The following IL17D variants were observed in gnomAD, a reference collection of about 807,000 sequenced individuals.
The protein encoded by IL17D is interleukin-17D.
In IL17D, 10 loss-of-function variants were observed where a neutral mutation model predicts 5.7. The observed-to-expected ratio is 1.75, with a 90% CI of 1.08 to 2.97. The LOEUF is 2.97. Among genes scored for constraint, IL17D ranks in the 30% most tolerant of loss-of-function variants. The pLI is 0.00. For missense variants in IL17D, 354 were observed against 292.7 expected, an observed-to-expected ratio of 1.21 and a Z score of -1.53; for synonymous variants, 172 against 141.7, an observed-to-expected ratio of 1.21 and a Z score of -1.52.
At chr13:20,707,021 G>A (rs1318234919) in intron 1 of IL17D, among the ~76,000 whole-genome samples, 1 of 152,118 alleles carries the variant, frequency 6.6e-6, no homozygotes, top group Non-Finnish European at 1.5e-5. Flanking sequence ...GCTGAAGGAA[G>A]GACAGTCTTC....
intron 1 of IL17D, among the ~76,000 whole-genome samples, chr13:20,712,207 A>T (rs753496669): frequency 2.0e-5 from 3 of 152,236 alleles, no homozygotes; most frequent in African/African-American, 7.2e-5. Flanking sequence ...AATCTTTTTT[A>T]AAAAATTTAT....
chr13:20,710,394 A>ACCT (rs1052150890), intron 1 of IL17D, among the ~76,000 whole-genome samples: 2 of 147,492 alleles, frequency 1.4e-5, no homozygotes, highest in African/African-American at 5.0e-5. Flanking sequence ...TGGGTGGATC[A>ACCT]CCTGAGGTCA....
rs1566520389 is a variant in IL17D at position 20,716,746 on chromosome 13, G to GGTGCT, written c.291-4889_291-4885dup. On this transcript the variant is annotated intron_variant, in intron 1 of 1. Coordinates refer to ENST00000682841, the MANE Select transcript of IL17D (RefSeq NM_001385224.1). The surrounding 1 kb of genome is among the most constrained non-coding windows in gnomAD (Gnocchi z 4.2). ...CAGGCTGTCTCCACGGACACATTTC[G>GGTGCT]GTGCTTGTGGGTTCTAGCCAAGATT... Among the ~76,000 whole-genome samples the GGTGCT allele has an allele frequency of 1.3e-5, 2 of 152,176 alleles. No individual in the cohort carries two copies. Among genetic ancestry groups the GGTGCT allele is most frequent in the African/African-American group, 4.8e-5 (2 of 41,432 alleles).
At chr13:20,703,198 G>A, upstream of IL17D, 2 of 859,582 alleles carry the variant, frequency 2.3e-6, no homozygotes, top group Non-Finnish European at 2.8e-6. Flanking sequence ...CCCGCCGCAT[G>A]CTCGCGGCTG....
chr13:20,702,804 C>T (rs2058555529), upstream of IL17D: 1 of 152,174 alleles, frequency 6.6e-6, no homozygotes, highest in South Asian at 2.1e-4. Flanking sequence ...GGCACAGGAT[C>T]ATTTCATGTT....
chr13:20,711,480 C>A (rs375596834), intron 1 of IL17D, among the ~76,000 whole-genome samples: 14 of 152,184 alleles, frequency 9.2e-5, no homozygotes, highest in Non-Finnish European at 1.9e-4. Context: ...GGCCCCGCCT[C>A]CCACACTGTT....
Position 20,721,790 on chromosome 13 carries a change from T to A in IL17D, c.445T>A (p.Cys149Ser). The A allele has an allele frequency of 6.2e-7, 1 of 1,609,588 alleles. No homozygotes were observed. Among genetic ancestry groups the A allele is most frequent in the Non-Finnish European group, 8.5e-7 (1 of 1,179,696 alleles). Residue 149 changes from cysteine (C) to serine (S), a missense_variant, in exon 2 of 2, where the codon TGC becomes AGC. By Grantham distance (112) the Cys-to-Ser change is moderately radical (BLOSUM62 -1). Coordinates refer to ENST00000682841, the MANE Select transcript of IL17D (RefSeq NM_001385224.1). ...PTVVLRRTPA[C>S]AGGRSVYTEA... ...CGTCGTCCTGCGCCGCACCCCCGCC[T>A]GCGCCGGCGGCCGTTCCGTCTACAC...
rs1455884081 is a variant in IL17D, at chr13:20,719,008, A to G, written c.291-2628A>G. ...CCCACTCACACACCCACACATGCCC[A>G]TGCTCACACATGCCCACACAGACAC... On this transcript the variant is annotated intron_variant, in intron 1 of 1. Transcript: ENST00000682841. Among the ~76,000 whole-genome samples, 88 of 136,084 alleles carry G rather than the reference A, an allele frequency of 6.5e-4. 1 individual carries two copies. The highest frequency in any genetic ancestry group is 2.2e-3 in the African/African-American group (77 of 34,736). The allele number at this position is 136,084 out of a possible 152,430, so 89.3% of individuals were successfully genotyped here. A position where few individuals can be genotyped will look rare whatever the true frequency, so the allele number is the denominator to read the frequency against.
chr13:20,711,707 C>T (rs1165748772), intron 1 of IL17D, among the ~76,000 whole-genome samples: 1 of 152,206 alleles, frequency 6.6e-6, no homozygotes, highest in East Asian at 1.9e-4. Flanking sequence ...CCGGTATTTT[C>T]CTGTGGAGAA....
chr13:20,711,156 C>T (rs148516340), intron 1 of IL17D, among the ~76,000 whole-genome samples: 114 of 151,716 alleles, frequency 7.5e-4, no homozygotes, highest in African/African-American at 2.6e-3. Context: ...CCCAGCTACT[C>T]GGGAGGCTGA....
intron 1 of IL17D, among the ~76,000 whole-genome samples, chr13:20,719,702 G>A (rs867733623): frequency 5.4e-4 from 82 of 152,202 alleles, no homozygotes; most frequent in African/African-American, 2.0e-3. Context: ...GAACAGACAC[G>A]ACACTATTAT....
At position 20,721,620 on chromosome 13, in the gene IL17D, T is replaced by A; in HGVS notation, c.291-16T>A. On this transcript the variant is annotated splice_polypyrimidine_tract_variant and intron_variant, in intron 1 of 1. Transcript: ENST00000682841. ...CTGCCCCCAGGCGTGACCTCACCCG[T>A]GCTCTCTCCCTGCAGAATCTCCTAC... is the stretch of plus-strand genomic sequence containing the variant. The A allele has an allele frequency of 6.3e-7, 1 of 1,575,184 alleles. No homozygotes were observed. Among genetic ancestry groups the A allele is most frequent in the Non-Finnish European group, 8.6e-7 (1 of 1,157,424 alleles).
At chr13:20,703,448 C>T (rs1204956247), upstream of IL17D, 5 of 983,720 alleles carry the variant, frequency 5.1e-6, no homozygotes, top group African/African-American at 1.7e-5. Context: ...TCCCCGGGTA[C>T]GAGGAAAGAC....
intron 1 of IL17D, among the ~76,000 whole-genome samples, chr13:20,706,008 T>C (rs368720085): frequency 5.3e-5 from 8 of 152,322 alleles, no homozygotes; most frequent in African/African-American, 1.9e-4. Flanking sequence ...GATTTCCTTT[T>C]ACTCAACAAC....
chr13:20,714,351 A>G (rs1445376954), intron 1 of IL17D, among the ~76,000 whole-genome samples: 1 of 152,206 alleles, frequency 6.6e-6, no homozygotes, highest in Non-Finnish European at 1.5e-5. Flanking sequence ...TGGCTGCTAA[A>G]TAGCCACAAA....
At chr13:20,702,165 CAAAG>C (rs1474906995), upstream of IL17D, 1 of 152,022 alleles carries the variant, frequency 6.6e-6, no homozygotes, top group Non-Finnish European at 1.5e-5. Flanking sequence ...TTACTGGAAA[CAAAG>C]AACATGAACA....
chr13:20,711,268 AAAAG>A (rs1300267625), intron 1 of IL17D, among the ~76,000 whole-genome samples: 6 of 131,130 alleles, frequency 4.6e-5, no homozygotes, highest in South Asian at 2.9e-4. Context: ...CTGTCTCAAA[AAAAG>A]AAAAAAAAAA....
chr13:20,721,106 T>G (rs905697615), intron 1 of IL17D, among the ~76,000 whole-genome samples: 3 of 152,112 alleles, frequency 2.0e-5, no homozygotes, highest in Admixed American at 6.5e-5. Flanking sequence ...TGGAGAAAGC[T>G]CTTGTCCTTC....
At chr13:20,709,830 A>G (rs1253489221) in intron 1 of IL17D, among the ~76,000 whole-genome samples, 1 of 152,234 alleles carries the variant, frequency 6.6e-6, no homozygotes, top group Non-Finnish European at 1.5e-5. Context: ...GCTTCAGCAC[A>G]AACAACAGCC....
Sources: allele counts gnomAD v4.1 joint callset (sites outside exome capture counted in the v4.1 genomes callset), GRCh38; gene constraint gnomAD v4.1.1; non-coding constraint Gnocchi (gnomAD v3.1); transcripts MANE v1.5; gene names NCBI Gene and HGNC (gene_info 2026-07-23, HGNC 2026-07-21).